The following TRPM7 variants were observed in gnomAD, a reference collection of about 807,000 sequenced individuals.
TRPM7 encodes the protein transient receptor potential cation channel subfamily M member 7.
Under a neutral mutation model 229.7 loss-of-function variants are expected in TRPM7, and 134 were observed. The ratio of observed to expected loss-of-function variants is 0.58; its 90% CI spans 0.51 to 0.67. The LOEUF (loss-of-function observed/expected upper bound fraction) is 0.67. TRPM7 is among the 30% of genes least tolerant of loss of function. The pLI is 0.00. For missense variants in TRPM7, 1,901 were observed against 2,210.0 expected, an observed-to-expected ratio of 0.86 and a Z score of 2.80; for synonymous variants, 699 against 715.2, an observed-to-expected ratio of 0.98 and a Z score of 0.36.
intron 11 of TRPM7, 83 bp from the exon 12 acceptor site, chr15:50,624,383 AC>A (rs2060500834): frequency 6.5e-6 from 3 of 459,206 alleles, no homozygotes; most frequent in Non-Finnish European, 9.4e-6. Flanking sequence ...CTTAGGATTT[AC>A]ATTTAATTTG....
At chr15:50,624,692 T>C (rs1418296315) in intron 11 of TRPM7, among the ~76,000 whole-genome samples, 1 of 152,180 alleles carries the variant, frequency 6.6e-6, no homozygotes, top group Non-Finnish European at 1.5e-5. Flanking sequence ...ATGGGTAGGG[T>C]CAAGGGACAT....
At chr15:50,588,754 C>A (rs2059406345) in intron 27 of TRPM7, among the ~76,000 whole-genome samples, 1 of 152,118 alleles carries the variant, frequency 6.6e-6, no homozygotes, top group African/African-American at 2.4e-5. Flanking sequence ...TCTAAATAGC[C>A]ACAAGTAATA....
chr15:50,593,666 C>T lies in TRPM7; in HGVS notation c.3559G>A (p.Asp1187Asn). Residue 1187 changes from aspartate to asparagine, a missense_variant, in exon 25 of 39, where the codon GAC becomes AAC. Transcript: ENST00000646667. ...TCTTCACTCCCAGAATGAAATTTGT[C>T]ATCTTTTTCATTGAAATACATTTCA... The part of the protein sequence containing the change: ...CVEMYFNEKD[D>N]KFHSGSEERI... 6.2e-7 allele frequency: 1 copy of T among 1,611,928 alleles called. No individual in the cohort carries two copies. Among genetic ancestry groups the T allele is most frequent in the Non-Finnish European group, 8.5e-7 (1 of 1,179,300 alleles).
intron 36 of TRPM7, among the ~76,000 whole-genome samples, chr15:50,571,509 T>C (rs181528565): frequency 1.1e-3 from 167 of 151,806 alleles, no homozygotes; most frequent in African/African-American, 4.0e-3. Context: ...CTATAGACTA[T>C]CACGCAGCTT....
At chr15:50,567,912 T>C (rs1314182159) in intron 38 of TRPM7, among the ~76,000 whole-genome samples, 2 of 151,352 alleles carry the variant, frequency 1.3e-5, no homozygotes, top group Admixed American at 6.6e-5. Flanking sequence ...CCACCTCTAC[T>C]AAAAATACAA....
chr15:50,589,336 A>C (rs1238168309), intron 27 of TRPM7, among the ~76,000 whole-genome samples: 1 of 151,868 alleles, frequency 6.6e-6, no homozygotes, highest in Non-Finnish European at 1.5e-5. Context: ...AAAAAAAAAA[A>C]AAAAAGAGAG....
intron 1 of TRPM7, among the ~76,000 whole-genome samples, chr15:50,679,205 T>C (rs1249012556): frequency 7.4e-6 from 1 of 134,856 alleles, no homozygotes; most frequent in Admixed American, 7.4e-5. Context: ...GTTGGTGGTA[T>C]GGGCCTGTCA....
At chr15:50,686,400 A>C (rs771371181) in intron 1 of TRPM7, 131 bp downstream of exon 1, 21 of 1,479,542 alleles carry the variant, frequency 1.4e-5, no homozygotes, top group Non-Finnish European at 2.0e-5. Flanking sequence ...ACAAATCCGG[A>C]AGCCTCAAGG....
At position 50,570,836 on chromosome 15, in the gene TRPM7, C is replaced by T. The variant is rs555532733; in HGVS notation, c.5309-681G>A. Among the ~76,000 whole-genome samples, 7 of 149,540 alleles carry T rather than the reference C, an allele frequency of 4.7e-5. No individual in the cohort carries two copies. The East Asian group carries it at 9.8e-4, about 21-fold the overall frequency. On this transcript the variant is annotated intron_variant, in intron 36 of 38. Coordinates refer to ENST00000646667, the MANE Select transcript of TRPM7 (RefSeq NM_017672.6). ...TACTACTGCACTCTAGCCTGGGCAA[C>T]AGAGTGAAATTCGTCTCAAAAAAAA...
rs114933907 is a variant in TRPM7 at position 50,574,314 on chromosome 15, G to A, written c.5268C>T (p.Tyr1756=). The change falls in exon 36 of 39, where the codon TAC becomes TAT. Residue 1756 remains tyrosine (Y), a synonymous_variant. Transcript: ENST00000646667. ...CCAGTAACTCCCCTCTTGTATATTC[G>A]TAAGTCCAGTGGCTAAAGGCTAGCA... ...EIMLAFSHWT[Y]EYTRGELLVL... 557 of 1,613,770 alleles carry A rather than the reference G, an allele frequency of 3.5e-4. 2 individuals carry two copies. The African/African-American group carries it at 6.1e-3, about 18-fold the overall frequency.
intron 28 of TRPM7, among the ~76,000 whole-genome samples, chr15:50,584,605 T>TGGGA (rs1439599231): frequency 1.3e-3 from 198 of 151,364 alleles, no homozygotes; most frequent in African/African-American, 4.7e-3. Context: ...TCAGAAGTGT[T>TGGGA]TCAGATTTCT....
chr15:50,627,260 C>A (rs1181915428), intron 11 of TRPM7, among the ~76,000 whole-genome samples: 1 of 151,980 alleles, frequency 6.6e-6, no homozygotes, highest in Non-Finnish European at 1.5e-5. Flanking sequence ...TATGGTTTGT[C>A]AGATGGTGAC....
At chr15:50,566,712 T>C (rs763909211) in intron 38 of TRPM7, among the ~76,000 whole-genome samples, 32 of 151,452 alleles carry the variant, frequency 2.1e-4, no homozygotes, top group Non-Finnish European at 4.3e-4. Flanking sequence ...ATAAATAAAA[T>C]AAAGATCCGA....
intron 1 of TRPM7, among the ~76,000 whole-genome samples, chr15:50,667,427 C>T (rs1278004426): frequency 1.3e-5 from 2 of 152,150 alleles, no homozygotes; most frequent in Non-Finnish European, 2.9e-5. Flanking sequence ...AGCTGCTGGC[C>T]GGGCACAGTG....
Position 50,624,295 on chromosome 15 carries a change from TCCAAC to T in TRPM7, c.1306_1310del (p.Val436IlefsTer8). ...CATCAAGCATAGCTTGTTCCAAGGA[TCCAAC>T]CTAGGAGTATCAAATTTAATAAATA... On this transcript the variant is annotated frameshift_variant and splice_region_variant, in exon 12 of 39. Coordinates refer to ENST00000646667, the MANE Select transcript of TRPM7 (RefSeq NM_017672.6). LOFTEE classifies it high-confidence loss of function. 1.2e-6 allele frequency: 2 copies of T among 1,601,282 alleles called. No individual in the cohort carries two copies. The highest frequency in any genetic ancestry group is 1.7e-6 in the Non-Finnish European group (2 of 1,175,804).
chr15:50,660,116 C>T (rs2061687840), intron 2 of TRPM7, among the ~76,000 whole-genome samples: 1 of 152,142 alleles, frequency 6.6e-6, no homozygotes, highest in Non-Finnish European at 1.5e-5. Flanking sequence ...GTCATTTATC[C>T]TCTTGTTGAG....
intron 1 of TRPM7, among the ~76,000 whole-genome samples, chr15:50,671,634 T>G (rs1430021619): frequency 8.4e-6 from 1 of 119,496 alleles, no homozygotes; most frequent in Non-Finnish European, 1.8e-5. Flanking sequence ...CATAATGAGA[T>G]CCTGTCGCTA....
Position 50,575,115 on chromosome 15 carries a change from G to T in TRPM7, c.4756C>A (p.Arg1586Ser). ...ATGTTGGGTGAACTCTCTTCCAAAC[G>T]ATACACTGTGACAGGCTCCCCTGCA... ...PPRGEPVTVY[R>S]LEESSPNILN... The change falls in exon 34 of 39, where the codon CGT (arginine) becomes AGT (serine). Residue 1586 changes from arginine to serine, a missense_variant. This residue lies in a region of TRPM7 where 257 missense variants were observed against 352.0 expected (regional missense o/e 0.73). Transcript: ENST00000646667. 6.2e-7 allele frequency: 1 copy of T among 1,607,722 alleles called. No individual in the cohort carries two copies. Among genetic ancestry groups the T allele is most frequent in the South Asian group, 1.1e-5 (1 of 90,618 alleles).
rs1205334467 is a variant in TRPM7 at position 50,657,811 on chromosome 15, G to T, written c.92C>A (p.Pro31Gln). The T allele has an allele frequency of 5.6e-6, 9 of 1,610,962 alleles. No homozygotes were observed. Among genetic ancestry groups the T allele is most frequent in the Non-Finnish European group, 6.8e-6 (8 of 1,178,080 alleles). Residue 31 changes from proline (P) to glutamine (Q), a missense_variant, in exon 3 of 39, where the codon CCA becomes CAA. By Grantham distance (76) the Pro-to-Gln change is moderately conservative. Coordinates refer to ENST00000646667, the MANE Select transcript of TRPM7 (RefSeq NM_017672.6). ...PSSKDPHRCL[P>Q]GCQICQQLVR... ...GAGTTGCTGACAAATTTGACATCCT[G>T]GAAGGCATCTATTGAACACAAAAAG...
Sources: gnomAD v4.1 joint callset for allele counts (sites outside exome capture counted in the v4.1 genomes callset) on GRCh38, gnomAD v4.1.1 for gene constraint, gnomAD v4.1.1 regional missense constraint, MANE v1.5 for transcripts, NCBI Gene and HGNC (gene_info 2026-07-23, HGNC 2026-07-21) for gene names.